TFDP2: variants seen among roughly 807,000 people sequenced by gnomAD.
TFDP2 encodes the protein transcription factor Dp-2, also known as transcription factor Dp-2 (E2F dimerization partner 2).
A neutral mutation model predicts 59.3 loss-of-function variants in TFDP2; 17 were observed. The ratio of observed to expected loss-of-function variants is 0.29; its 90% confidence interval spans 0.20 to 0.43. The LOEUF (loss-of-function observed/expected upper bound fraction) is 0.43. Among genes scored for constraint, TFDP2 ranks in the 20% least tolerant of loss-of-function variants. The probability of loss-of-function intolerance (pLI) is 1.00; values close to 1 mark genes in which losing one functional copy is unlikely to be tolerated. For missense variants in TFDP2, 391 were observed against 528.8 expected, an observed-to-expected ratio of 0.74 and a Z score of 2.56; for synonymous variants, 180 against 194.7, an observed-to-expected ratio of 0.92 and a Z score of 0.63.
intron 3 of TFDP2, among the ~76,000 whole-genome samples, chr3:142,013,924 G>GA (rs11569176): frequency 1.3e-5 from 2 of 151,710 alleles, no homozygotes; most frequent in Non-Finnish European, 2.9e-5. Flanking sequence ...CAGACTTTCT[G>GA]AAAAAAATTT....
intron 1 of TFDP2, among the ~76,000 whole-genome samples, chr3:142,141,956 T>C (rs148048606): frequency 5.9e-5 from 9 of 152,162 alleles, no homozygotes; most frequent in African/African-American, 1.9e-4. Context: ...CCCAACATAA[T>C]AAAAGCCATA....
chr3:142,117,195 A>G (rs2061878814), intron 1 of TFDP2, among the ~76,000 whole-genome samples: 1 of 152,182 alleles, frequency 6.6e-6, no homozygotes, highest in Admixed American at 6.5e-5. Context: ...TGCTGGGATT[A>G]CAGGCATGAG....
intron 10 of TFDP2, among the ~76,000 whole-genome samples, chr3:141,962,410 G>C (rs1338367265): frequency 6.6e-6 from 1 of 151,856 alleles, no homozygotes; most frequent in Non-Finnish European, 1.5e-5. Flanking sequence ...CCAGGCTGGA[G>C]TGTAGTGGCA....
intron 1 of TFDP2, chr3:142,145,685 C>G (rs1285614086): frequency 6.6e-6 from 1 of 151,638 alleles, no homozygotes; most frequent in Non-Finnish European, 1.5e-5. Flanking sequence ...GCACTCCAGC[C>G]TGGGTGACAG....
At chr3:142,118,436 G>T (rs1381786529) in intron 1 of TFDP2, among the ~76,000 whole-genome samples, 2 of 152,122 alleles carry the variant, frequency 1.3e-5, no homozygotes, top group African/African-American at 4.8e-5. Flanking sequence ...CTCTGAACTG[G>T]ATTAAATATT....
At chr3:141,998,569 A>G (rs977273726) in intron 4 of TFDP2, among the ~76,000 whole-genome samples, 1 of 152,174 alleles carries the variant, frequency 6.6e-6, no homozygotes, top group Non-Finnish European at 1.5e-5. Context: ...GTGAGCTGAG[A>G]TCGTGCCACT....
At chr3:142,097,435 A>T (rs991064678) in intron 2 of TFDP2, among the ~76,000 whole-genome samples, 2 of 152,230 alleles carry the variant, frequency 1.3e-5, no homozygotes, top group Non-Finnish European at 2.9e-5. Context: ...TCATGCCTGT[A>T]ATAGGAGCAC....
intron 11 of TFDP2, among the ~76,000 whole-genome samples, chr3:141,956,811 G>C (rs1272182738): frequency 6.6e-6 from 1 of 150,592 alleles, no homozygotes; most frequent in African/African-American, 2.4e-5. Context: ...TGTGGTCCCA[G>C]CTACTCAGGA....
At chr3:142,107,226 T>A (rs2061502744) in intron 1 of TFDP2, among the ~76,000 whole-genome samples, 1 of 151,876 alleles carries the variant, frequency 6.6e-6, no homozygotes, top group African/African-American at 2.4e-5. Context: ...ATTTTCTTTT[T>A]TTTCTTTTCT....
At chr3:141,962,318 T>C (rs1310911461) in intron 10 of TFDP2, among the ~76,000 whole-genome samples, 1 of 152,196 alleles carries the variant, frequency 6.6e-6, no homozygotes, top group Non-Finnish European at 1.5e-5. Flanking sequence ...TTTGTGTCTA[T>C]AGTCTCAATT....
chr3:142,033,696 C>G (rs1946542850), intron 3 of TFDP2, among the ~76,000 whole-genome samples: 1 of 152,144 alleles, frequency 6.6e-6, no homozygotes, highest in African/African-American at 2.4e-5. Context: ...ACAGTGGAGA[C>G]AGCATGAGCA....
At chr3:142,084,190 A>C (rs56088159) in intron 3 of TFDP2, among the ~76,000 whole-genome samples, 2,201 of 152,344 alleles carry the variant, frequency 0.014, 59 homozygotes, top group African/African-American at 0.049. Flanking sequence ...ATTTCTCAAA[A>C]TAAGACATAT....
chr3:142,034,984 G>T (rs1360713078), intron 3 of TFDP2, among the ~76,000 whole-genome samples: 1 of 152,148 alleles, frequency 6.6e-6, no homozygotes, highest in South Asian at 2.1e-4. Context: ...GGGATTACAG[G>T]TGTGAGCCAC....
At chr3:142,128,917 CT>C (rs11313369) in intron 1 of TFDP2, among the ~76,000 whole-genome samples, 64,847 of 150,128 alleles carry the variant, frequency 0.43, 16,753 homozygotes, top group African/African-American at 0.72. Context: ...ATGCAACTTT[CT>C]TTTTTTTTTT....
At chr3:142,029,110 A>G (rs928004964) in intron 3 of TFDP2, 1 of 152,672 alleles carries the variant, frequency 6.5e-6, no homozygotes, top group Non-Finnish European at 1.5e-5. Context: ...GTCACAAAGC[A>G]GGAGACTTAA....
chr3:142,108,067 T>C (rs1467617426), intron 1 of TFDP2, among the ~76,000 whole-genome samples: 1 of 152,190 alleles, frequency 6.6e-6, no homozygotes, highest in Non-Finnish European at 1.5e-5. Flanking sequence ...AGTCAGAGCT[T>C]GCCAGCTCCC....
At chr3:141,998,444 T>C (rs1412634740) in intron 4 of TFDP2, among the ~76,000 whole-genome samples, 1 of 151,920 alleles carries the variant, frequency 6.6e-6, no homozygotes, top group Non-Finnish European at 1.5e-5. Context: ...TGAAACCCCA[T>C]ATCTACCAAA....
At chr3:142,051,713 C>T (rs1198944913) in intron 3 of TFDP2, among the ~76,000 whole-genome samples, 1 of 152,124 alleles carries the variant, frequency 6.6e-6, no homozygotes, top group African/African-American at 2.4e-5. Context: ...GACAAAGGTA[C>T]AAAGCAATTC....
In TFDP2 at chr3:141,951,442, G is replaced by C. The variant is rs1404608465; in HGVS notation, c.*1071C>G. On this transcript the variant is annotated 3_prime_UTR_variant, in exon 13 of 13. Transcript: ENST00000489671. ...TGAAATGCAATTGACCCCAGGAGTA[G>C]GCTCAATAAGGTCATTCTGATTAAT... 6.6e-6 allele frequency: 1 copy of C among 152,572 alleles called. No homozygotes were observed. Among genetic ancestry groups the C allele is most frequent in the Non-Finnish European group, 1.5e-5 (1 of 68,042 alleles). 9.5% of individuals were successfully genotyped at this position (152,572 alleles called of 1,614,324 possible). A position where few individuals can be genotyped will look rare whatever the true frequency, so the allele number is the denominator to read the frequency against.
Sources: allele counts gnomAD v4.1 joint callset (sites outside exome capture counted in the v4.1 genomes callset), GRCh38; gene constraint gnomAD v4.1.1; transcripts MANE v1.5; gene names NCBI Gene and HGNC (gene_info 2026-07-23, HGNC 2026-07-21).